The following SYCP2L variants were observed in gnomAD, a reference collection of about 807,000 sequenced individuals.
The protein encoded by SYCP2L is synaptonemal complex protein 2-like.
Under a neutral mutation model 125.8 loss-of-function variants are expected in SYCP2L, and 98 were observed. The observed-to-expected ratio is 0.78, with a 90% CI of 0.66 to 0.92. The LOEUF (loss-of-function observed/expected upper bound fraction) is 0.92, where lower values mean the gene tolerates loss of function less well. SYCP2L is among the 40% of genes least tolerant of loss of function. SYCP2L has a pLI of 0.00. For synonymous variants in SYCP2L, 317 were observed against 325.4 expected, an observed-to-expected ratio of 0.97 and a Z score of 0.28; for missense variants, 842 against 936.4, an observed-to-expected ratio of 0.90 and a Z score of 1.32.
intron 6 of SYCP2L, 68 bp downstream of exon 6, chr6:10,898,916 A>G: frequency 1.0e-6 from 1 of 1,001,772 alleles, no homozygotes; most frequent in Non-Finnish European, 1.5e-6. Flanking sequence ...GCACAGAGAA[A>G]AGAAAAATGA....
At chr6:10,937,375 A>T (rs1781118301) in intron 21 of SYCP2L, among the ~76,000 whole-genome samples, 1 of 152,206 alleles carries the variant, frequency 6.6e-6, no homozygotes, top group African/African-American at 2.4e-5. Context: ...AAGGGAAATT[A>T]AAAAATCTTG....
At chr6:10,889,358 A>C (rs538684633) in intron 1 of SYCP2L, among the ~76,000 whole-genome samples, 10 of 152,244 alleles carry the variant, frequency 6.6e-5, no homozygotes, top group Non-Finnish European at 1.2e-4. Context: ...TACAGTGTGT[A>C]ATGATCAAAT....
At chr6:10,900,952 C>T (rs1346374994) in intron 6 of SYCP2L, among the ~76,000 whole-genome samples, 2 of 152,194 alleles carry the variant, frequency 1.3e-5, no homozygotes, top group Non-Finnish European at 2.9e-5. Flanking sequence ...ACTGTCTAAT[C>T]CCTCTCTCCG....
At chr6:10,943,674 C>T (rs1781261002) in intron 23 of SYCP2L, among the ~76,000 whole-genome samples, 1 of 152,152 alleles carries the variant, frequency 6.6e-6, no homozygotes, top group African/African-American at 2.4e-5. Context: ...TTCTTTCATC[C>T]CTCATAGAGG....
At chr6:10,946,153 GC>G (rs1045503577) in intron 23 of SYCP2L, among the ~76,000 whole-genome samples, 2 of 151,948 alleles carry the variant, frequency 1.3e-5, no homozygotes, top group African/African-American at 4.8e-5. Context: ...CTTTCTGTGT[GC>G]CCCAACCATT....
intron 4 of SYCP2L, among the ~76,000 whole-genome samples, chr6:10,897,065 A>G (rs540103107): frequency 2.8e-4 from 43 of 152,188 alleles, no homozygotes; most frequent in Non-Finnish European, 4.9e-4. Flanking sequence ...AAGAGTGACC[A>G]GTCTCAGTTA....
At chr6:10,962,347 C>T (rs1323060093) in intron 28 of SYCP2L, among the ~76,000 whole-genome samples, 1 of 122,876 alleles carries the variant, frequency 8.1e-6, no homozygotes, top group East Asian at 2.4e-4. Context: ...ATCCATCCTG[C>T]CTTTTACTCC....
chr6:10,931,703 G>T (rs185654518), intron 20 of SYCP2L, among the ~76,000 whole-genome samples: 1 of 152,164 alleles, frequency 6.6e-6, no homozygotes, highest in South Asian at 2.1e-4. Context: ...GGTGGCTCAC[G>T]CCTGTAATCC....
chr6:10,966,555 A>T (rs1246818726), intron 29 of SYCP2L, among the ~76,000 whole-genome samples: 3 of 152,202 alleles, frequency 2.0e-5, no homozygotes, highest in Admixed American at 6.5e-5. Context: ...TATTCCCCAA[A>T]GCCCCAGCAG....
chr6:10,924,074 A>G (rs991345398), intron 14 of SYCP2L, among the ~76,000 whole-genome samples: 3 of 152,186 alleles, frequency 2.0e-5, no homozygotes, highest in Admixed American at 6.5e-5. Context: ...CATTGGGGAC[A>G]GTGAGTTTTA....
chr6:10,972,076 T>G (rs1781784217), intron 29 of SYCP2L, among the ~76,000 whole-genome samples: 1 of 152,250 alleles, frequency 6.6e-6, no homozygotes, highest in Non-Finnish European at 1.5e-5. Context: ...CAAGATCTTA[T>G]TTTTTAATAA....
chr6:10,942,592 C>T (rs1041977519), intron 22 of SYCP2L, 63 bp downstream of exon 22: 3 of 1,573,422 alleles, frequency 1.9e-6, no homozygotes, highest in Non-Finnish European at 2.6e-6. Context: ...TTGCATAACA[C>T]ATTGGCTATT....
At chr6:10,971,219 G>A (rs1206801133) in intron 29 of SYCP2L, among the ~76,000 whole-genome samples, 1 of 152,028 alleles carries the variant, frequency 6.6e-6, no homozygotes, top group African/African-American at 2.4e-5. Context: ...AGCACTTTGG[G>A]AGGCCGAGGC....
At chr6:10,951,987 A>G (rs1157721774) in intron 23 of SYCP2L, among the ~76,000 whole-genome samples, 1 of 152,188 alleles carries the variant, frequency 6.6e-6, no homozygotes, top group Non-Finnish European at 1.5e-5. Context: ...CTTGGAAATG[A>G]AGAAAGCCGG....
Position 10,961,360 on chromosome 6 carries a change from A to G in SYCP2L, c.2311A>G (p.Lys771Glu), listed in dbSNP as rs1268174526. Residue 771 changes from lysine (K) to glutamate (E), a missense_variant, in exon 27 of 30, where the codon AAG becomes GAG. By Grantham distance (56) the Lys-to-Glu change is moderately conservative. Transcript: ENST00000283141. Reference protein sequence around the residue: ...NLVLQELSSLKQDIQALEHLE... With the variant: ...NLVLQELSSLEQDIQALEHLE... ...GGTTCTTCAAGAGTTGAGCAGTCTT[A>G]AGCAGGATATTCAGGCCCTGGAACA... The G allele has an allele frequency of 6.2e-7, 1 of 1,614,184 alleles. No homozygotes were observed. Among genetic ancestry groups the G allele is most frequent in the Non-Finnish European group, 8.5e-7 (1 of 1,180,024 alleles).
At chr6:10,933,033 C>G (rs1049418458) in intron 20 of SYCP2L, among the ~76,000 whole-genome samples, 1 of 152,194 alleles carries the variant, frequency 6.6e-6, no homozygotes, top group East Asian at 1.9e-4. Context: ...GGATTACAGG[C>G]GTGAGCCACC....
At chr6:10,895,096 T>G (rs1442674335) in intron 4 of SYCP2L, among the ~76,000 whole-genome samples, 1 of 152,228 alleles carries the variant, frequency 6.6e-6, no homozygotes, top group Non-Finnish European at 1.5e-5. Flanking sequence ...TTAAGGACTG[T>G]GTTTATGCAA....
At chr6:10,892,243 G>A (rs894581061) in intron 2 of SYCP2L, among the ~76,000 whole-genome samples, 5 of 152,222 alleles carry the variant, frequency 3.3e-5, no homozygotes, top group African/African-American at 7.2e-5. Flanking sequence ...ATCATGCCAC[G>A]TTCTGCGGAC....
rs1293618238 is a variant in SYCP2L at position 10,942,464 on chromosome 6, C to A, written c.1819C>A (p.Gln607Lys). 1.3e-6 allele frequency: 2 copies of A among 1,576,074 alleles called. No individual in the cohort carries two copies. Among genetic ancestry groups the A allele is most frequent in the Non-Finnish European group, 1.7e-6 (2 of 1,167,560 alleles). The change falls in exon 22 of 30, where the codon CAA becomes AAA. Residue 607 changes from glutamine (Q) to lysine (K), a missense_variant. Coordinates refer to ENST00000283141, the MANE Select transcript of SYCP2L (RefSeq NM_001040274.3). ...AACTTCTCTCTAATGCTCAGAGCTT[C>A]AAGATCCTCACTCACTGAGTGAGCT... The part of the protein sequence containing the change: ...AEDSAQKTEL[Q>K]DPHSLSELSS...
Sources: gnomAD v4.1 joint callset for allele counts (sites outside exome capture counted in the v4.1 genomes callset) on GRCh38, gnomAD v4.1.1 for gene constraint, MANE v1.5 for transcripts, NCBI Gene and HGNC (gene_info 2026-07-23, HGNC 2026-07-21) for gene names.